TBCEL: variants seen among roughly 807,000 people sequenced by gnomAD.
TBCEL encodes the protein tubulin folding cofactor E like.
TBCEL carries 15 observed loss-of-function variants against 44.2 expected under a neutral mutation model. The ratio of observed to expected loss-of-function variants is 0.34; its 90% confidence interval spans 0.23 to 0.52. The LOEUF (loss-of-function observed/expected upper bound fraction) is 0.52, where lower values mean the gene tolerates loss of function less well. Among genes scored for constraint, TBCEL ranks in the 20% least tolerant of loss-of-function variants. TBCEL has a pLI of 0.95. For synonymous variants in TBCEL, 171 were observed against 185.4 expected, an observed-to-expected ratio of 0.92 and a Z score of 0.63; for missense variants, 319 against 506.3, an observed-to-expected ratio of 0.63 and a Z score of 3.55.
At chr11:121,055,348 C>A (rs779754554) in intron 6 of TBCEL, 40 bp downstream of exon 6, 1 of 1,525,342 alleles carries the variant, frequency 6.6e-7, no homozygotes, top group Non-Finnish European at 8.8e-7. Flanking sequence ...TGCAAATTAA[C>A]CTGAGCATAT....
At chr11:121,078,412 C>G (rs1946068576) in intron 8 of TBCEL, among the ~76,000 whole-genome samples, 1 of 152,142 alleles carries the variant, frequency 6.6e-6, no homozygotes, top group African/African-American at 2.4e-5. Flanking sequence ...AACTCCTGGT[C>G]CAGAACCAGC....
At chr11:121,057,521 GT>G in intron 6 of TBCEL, 1 of 432,206 alleles carries the variant, frequency 2.3e-6, no homozygotes, top group East Asian at 7.2e-5. Flanking sequence ...CATCTCTCCT[GT>G]CACCAAATTG....
intron 1 of TBCEL, among the ~76,000 whole-genome samples, chr11:121,025,751 G>T (rs980280944): frequency 2.0e-5 from 3 of 151,674 alleles, no homozygotes; most frequent in Non-Finnish European, 4.4e-5. Flanking sequence ...GGCCGGGGGA[G>T]AGGGAGGAGG....
intron 1 of TBCEL, among the ~76,000 whole-genome samples, chr11:121,031,180 A>T (rs1945136590): frequency 6.6e-6 from 1 of 152,176 alleles, no homozygotes; most frequent in Non-Finnish European, 1.5e-5. Context: ...GGTGCACACT[A>T]CAAGTTCCTG....
intron 1 of TBCEL, among the ~76,000 whole-genome samples, chr11:121,031,852 C>T (rs1945151971): frequency 1.3e-5 from 2 of 151,584 alleles, no homozygotes; most frequent in Admixed American, 1.3e-4. Flanking sequence ...GAGATGGGGT[C>T]TTGCTATGTT....
At chr11:121,044,391 T>C (rs1945390466) in intron 2 of TBCEL, among the ~76,000 whole-genome samples, 1 of 152,094 alleles carries the variant, frequency 6.6e-6, no homozygotes, top group Non-Finnish European at 1.5e-5. Context: ...CCTCTGAGGC[T>C]CCTAGTTAGA....
intron 8 of TBCEL, among the ~76,000 whole-genome samples, chr11:121,065,479 T>C (rs185555327): frequency 1.8e-4 from 27 of 152,320 alleles, no homozygotes; most frequent in Admixed American, 5.9e-4. Flanking sequence ...CTGCAACATA[T>C]ATGTAATAGT....
At chr11:121,075,503 CTCTG>C (rs1946016709) in intron 8 of TBCEL, among the ~76,000 whole-genome samples, 2 of 151,960 alleles carry the variant, frequency 1.3e-5, no homozygotes, top group South Asian at 4.1e-4. Context: ...CTAATTTAGT[CTCTG>C]TCTGCAAGAA....
At chr11:121,085,982 A>T (rs1194008803) in intron 8 of TBCEL, among the ~76,000 whole-genome samples, 2 of 152,068 alleles carry the variant, frequency 1.3e-5, no homozygotes, top group South Asian at 2.1e-4. Context: ...ACTAATATTA[A>T]TTTTTTTCAG....
chr11:121,071,297 A>T (rs1157428867), intron 8 of TBCEL, among the ~76,000 whole-genome samples: 1 of 152,190 alleles, frequency 6.6e-6, no homozygotes, highest in Non-Finnish European at 1.5e-5. Context: ...AAAGAGAAAA[A>T]AAATGCAACT....
At chr11:121,026,435 G>A (rs1449747258) in intron 1 of TBCEL, among the ~76,000 whole-genome samples, 2 of 152,204 alleles carry the variant, frequency 1.3e-5, no homozygotes, top group Non-Finnish European at 2.9e-5. Flanking sequence ...AAAGGATGTT[G>A]TCTAATTTCA....
At chr11:121,082,931 A>G (rs934054128) in intron 8 of TBCEL, among the ~76,000 whole-genome samples, 3 of 152,226 alleles carry the variant, frequency 2.0e-5, no homozygotes, top group African/African-American at 7.2e-5. Flanking sequence ...CCTTGACTCT[A>G]GAAACAGACT....
At chr11:121,072,102 T>G (rs961029388) in intron 8 of TBCEL, among the ~76,000 whole-genome samples, 13 of 152,184 alleles carry the variant, frequency 8.5e-5, no homozygotes, top group African/African-American at 3.1e-4. Context: ...CTTACAGCCT[T>G]TGTCATTCCA....
intron 3 of TBCEL, 58 bp from the exon 4 acceptor site, chr11:121,047,470 C>G (rs1292368756): frequency 1.4e-5 from 23 of 1,597,728 alleles, no homozygotes; most frequent in Middle Eastern, 1.7e-4. Flanking sequence ...GGGGGCTGAA[C>G]ATATGTAGAC....
At chr11:121,052,288 G>T (rs542908362) in intron 4 of TBCEL, among the ~76,000 whole-genome samples, 8 of 151,832 alleles carry the variant, frequency 5.3e-5, no homozygotes, top group South Asian at 2.1e-4. Flanking sequence ...CTAGTTGGGG[G>T]TACGTAGGGA....
chr11:121,075,084 T>C (rs1366609094), intron 8 of TBCEL, among the ~76,000 whole-genome samples: 1 of 151,906 alleles, frequency 6.6e-6, no homozygotes, highest in East Asian at 1.9e-4. Context: ...AGGGCGTGTG[T>C]ATGTTTTAAG....
rs1266662990 is a variant in TBCEL at position 121,087,392 on chromosome 11, G to T, written c.*296G>T. ...CTTCTTACTGTGTTCACTGGGATTT[G>T]CCTGCCACTTGGTTATCATTACTGT... On this transcript the variant is annotated 3_prime_UTR_variant, in exon 9 of 9. Coordinates refer to ENST00000683345, the MANE Select transcript of TBCEL (RefSeq NM_001363644.2). 12 of 355,190 alleles carry T rather than the reference G, an allele frequency of 3.4e-5. No homozygotes were observed. The East Asian group carries it at 7.3e-4, about 22-fold the overall frequency. 22.0% of individuals were successfully genotyped at this position (355,190 alleles called of 1,614,324 possible).
chr11:121,061,956 G>A (rs568673020), intron 8 of TBCEL, among the ~76,000 whole-genome samples: 4 of 152,010 alleles, frequency 2.6e-5, no homozygotes, highest in South Asian at 2.1e-4. Flanking sequence ...TTTTTAAAAC[G>A]TTTTGACTCT....
At chr11:121,074,102 T>G (rs1350782441) in intron 8 of TBCEL, among the ~76,000 whole-genome samples, 3 of 152,018 alleles carry the variant, frequency 2.0e-5, no homozygotes. Flanking sequence ...AGTAACTGTT[T>G]CATTCAGATT....
Sources: allele counts gnomAD v4.1 joint callset (sites outside exome capture counted in the v4.1 genomes callset), GRCh38; gene constraint gnomAD v4.1.1; transcripts MANE v1.5; gene names NCBI Gene and HGNC (gene_info 2026-07-23, HGNC 2026-07-21).